The following NEXN variants were observed in gnomAD, a reference collection of about 807,000 sequenced individuals.
The protein encoded by NEXN is nexilin F-actin binding protein.
NEXN carries 65 observed loss-of-function variants against 92.6 expected under a neutral mutation model. The ratio of observed to expected loss-of-function variants is 0.70; its 90% CI spans 0.57 to 0.86. NEXN has a LOEUF of 0.86. Among genes scored for constraint, NEXN ranks in the 40% least tolerant of loss-of-function variants. NEXN has a pLI of 0.00. For missense variants in NEXN, 778 were observed against 771.1 expected (o/e 1.01, Z -0.11); for synonymous variants, 254 against 242.5 (o/e 1.05, Z -0.44).
chr1:77,892,689 T>A (rs1647135064), intron 1 of NEXN, among the ~76,000 whole-genome samples: 1 of 152,130 alleles, frequency 6.6e-6, no homozygotes, highest in African/African-American at 2.4e-5. Context: ...AATAATGTGA[T>A]CATGGGAGTG....
intron 10 of NEXN, 72 bp from the exon 11 acceptor site, chr1:77,935,751 A>G: frequency 7.1e-7 from 1 of 1,408,882 alleles, no homozygotes; most frequent in Non-Finnish European, 9.9e-7. Flanking sequence ...ACAGGAATTC[A>G]AGGCCAGCCT....
chr1:77,917,272 T>G (rs927495589), intron 2 of NEXN, among the ~76,000 whole-genome samples: 1 of 152,198 alleles, frequency 6.6e-6, no homozygotes, highest in Admixed American at 6.5e-5. Context: ...AATTCAGAAT[T>G]TGATTTTTAT....
In NEXN at chr1:77,935,907, A is replaced by G. The variant is rs1421377983; in HGVS notation, c.1336A>G (p.Lys446Glu). ...KLKRSGSIQA[K>E]NLKSKFEKIG... ...AAAAAGGAGTGGCTCTATTCAAGCT[A>G]AAAACCTAAAAAGCAAGTTTGAAAA... The change falls in exon 11 of 13, where the codon AAA becomes GAA. Residue 446 changes from lysine to glutamate, a missense_variant. Physicochemically the swap from Lys to Glu is moderately conservative, Grantham distance 56. Transcript: ENST00000334785. 6.2e-7 allele frequency: 1 copy of G among 1,614,018 alleles called. No homozygotes were observed. The highest frequency in any genetic ancestry group is 1.1e-5 in the South Asian group (1 of 91,028).
At chr1:77,893,866 T>C (rs1647161479) in intron 1 of NEXN, among the ~76,000 whole-genome samples, 1 of 151,918 alleles carries the variant, frequency 6.6e-6, no homozygotes, top group South Asian at 2.1e-4. Flanking sequence ...AGAATTTTGC[T>C]CTTTTGCCCA....
At chr1:77,899,977 T>G (rs865871823) in intron 1 of NEXN, among the ~76,000 whole-genome samples, 15 of 152,276 alleles carry the variant, frequency 9.9e-5, no homozygotes, top group South Asian at 4.1e-4. Context: ...TACATTGCTA[T>G]GAGTTTCTTT....
chr1:77,930,103 T>C (rs554788593), intron 9 of NEXN, among the ~76,000 whole-genome samples: 1 of 152,362 alleles, frequency 6.6e-6, no homozygotes, highest in East Asian at 1.9e-4. Flanking sequence ...CAAACAATTT[T>C]GAAGCAATTT....
chr1:77,897,360 C>T (rs1647318034), intron 1 of NEXN, among the ~76,000 whole-genome samples: 1 of 152,112 alleles, frequency 6.6e-6, no homozygotes. Flanking sequence ...TCAATATACG[C>T]AAATCAATAA....
intron 5 of NEXN, 66 bp downstream of exon 5, chr1:77,918,339 A>G: frequency 6.7e-7 from 1 of 1,483,356 alleles, no homozygotes; most frequent in African/African-American, 1.4e-5. Flanking sequence ...ACTAATCAGT[A>G]TGTTGCCTAA....
chr1:77,936,407 T>TGAAA (rs1650773268), intron 11 of NEXN, among the ~76,000 whole-genome samples: 2 of 152,256 alleles, frequency 1.3e-5, no homozygotes, highest in African/African-American at 4.8e-5. Context: ...GGTAACAAAG[T>TGAAA]GAAACCCCAT....
intron 5 of NEXN, among the ~76,000 whole-genome samples, chr1:77,921,729 C>G (rs962222473): frequency 6.6e-6 from 1 of 152,086 alleles, no homozygotes; most frequent in African/African-American, 2.4e-5. Context: ...GGGCAATACA[C>G]TAAAACCCTG....
In NEXN at chr1:77,917,692, G is replaced by C. The variant is rs1299934097; in HGVS notation, c.154G>C (p.Asp52His). 3 of 1,612,312 alleles carry C rather than the reference G, an allele frequency of 1.9e-6. No individual in the cohort carries two copies. Residue 52 changes from aspartate to histidine, a missense_variant, in exon 3 of 13, where the codon GAC (aspartate) becomes CAC (histidine). Physicochemically the swap from Asp to His is moderately conservative, Grantham distance 81. Coordinates refer to ENST00000334785, the MANE Select transcript of NEXN (RefSeq NM_144573.4). The stretch of plus-strand genomic sequence containing the variant: ...AGAAAGAAATCAAAGGAGATCTAGA[G>C]ACGAAAAACAAAGAAGAAAAGAACA... ...REERNQRRSR[D>H]EKQRRKEQYI...
intron 9 of NEXN, among the ~76,000 whole-genome samples, chr1:77,930,510 A>C (rs1026076687): frequency 3.9e-5 from 6 of 152,204 alleles, no homozygotes; most frequent in Non-Finnish European, 7.3e-5. Flanking sequence ...AAAAGAAAGA[A>C]ATTTTGATTG....
In NEXN at chr1:77,912,943, G is replaced by A. The variant is rs547375582; in HGVS notation, c.-52-3112G>A. Among the ~76,000 whole-genome samples, 11 of 152,158 alleles carry A rather than the reference G, an allele frequency of 7.2e-5. No individual in the cohort carries two copies. In the South Asian group the frequency reaches 8.3e-4, roughly 11 times the overall value. ...CATGAAAGAAAGAATTGATAAGCTG[G>A]ACTTCATTAAAATTAAAAAATTCTG... On this transcript the variant is annotated intron_variant, in intron 1 of 12. Transcript: ENST00000334785.
chr1:77,910,922 T>G (rs984363328), intron 1 of NEXN, among the ~76,000 whole-genome samples: 3 of 152,020 alleles, frequency 2.0e-5, no homozygotes, highest in African/African-American at 7.2e-5. Context: ...ACAGTAACTT[T>G]GAGTTCCTGG....
At position 77,917,995 on chromosome 1, in the gene NEXN, T is replaced by G. The variant is rs565518624; in HGVS notation, c.255T>G (p.Asp85Glu). Residue 85 changes from aspartate (D) to glutamate (E), a missense_variant, in exon 4 of 13, where the codon GAT (aspartate) becomes GAG (glutamate). Around this residue, in one of 3 missense-constraint regions of NEXN, gnomAD observed 236 missense variants for 265.6 expected, o/e 0.89. Coordinates refer to ENST00000334785, the MANE Select transcript of NEXN (RefSeq NM_144573.4). ...KEMLASDDEE[D>E]VSSKVEKAYV... The stretch of plus-strand genomic sequence containing the variant: ...TGCTTGCTTCTGATGATGAGGAAGA[T>G]GTATCTTCTAAAGTAGAAAAGGCTT... The G allele has an allele frequency of 6.2e-7, 1 of 1,613,542 alleles. No homozygotes were observed. The highest frequency in any genetic ancestry group is 1.3e-5 in the African/African-American group (1 of 75,054).
chr1:77,920,024 C>T (rs114373773), intron 5 of NEXN, among the ~76,000 whole-genome samples: 1,557 of 151,952 alleles, frequency 0.01, 35 homozygotes, highest in African/African-American at 0.035. Flanking sequence ...TTCAGTCTCC[C>T]GAGTAGCTAG....
intron 1 of NEXN, among the ~76,000 whole-genome samples, chr1:77,899,610 T>A (rs1647526951): frequency 6.6e-6 from 1 of 151,962 alleles, no homozygotes; most frequent in South Asian, 2.1e-4. Flanking sequence ...TATACATATG[T>A]AACAAACTTG....
chr1:77,906,963 GAGA>G (rs1267432872), intron 1 of NEXN, among the ~76,000 whole-genome samples: 11 of 152,138 alleles, frequency 7.2e-5, no homozygotes, highest in African/African-American at 2.4e-4. Flanking sequence ...ATGATTTGGA[GAGA>G]AGGTTTGATA....
In NEXN at chr1:77,943,604, A is replaced by G. The variant is rs372632008; in HGVS notation, c.*775A>G. 1 of 152,080 alleles carries G rather than the reference A, an allele frequency of 6.6e-6. No homozygotes were observed. The highest frequency in any genetic ancestry group is 2.1e-4 in the South Asian group (1 of 4,836). 9.4% of individuals were successfully genotyped at this position (152,080 alleles called of 1,614,324 possible). A position where few individuals can be genotyped will look rare whatever the true frequency, so the allele number is the denominator to read the frequency against. ...TATGTAATATATATTAAATTTATAA[A>G]GCAAATTTATGTTGTGATCTTGCCT... On this transcript the variant is annotated 3_prime_UTR_variant, in exon 13 of 13. Transcript: ENST00000334785.
Sources: gnomAD v4.1 joint callset for allele counts (sites outside exome capture counted in the v4.1 genomes callset) on GRCh38, gnomAD v4.1.1 for gene constraint, gnomAD v4.1.1 regional missense constraint, MANE v1.5 for transcripts, NCBI Gene and HGNC (gene_info 2026-07-23, HGNC 2026-07-21) for gene names.